The following HS6ST2 variants were observed in gnomAD, a reference collection of about 807,000 sequenced individuals.
HS6ST2 encodes the protein heparan-sulfate 6-O-sulfotransferase 2.
A neutral mutation model predicts 33.0 loss-of-function variants in HS6ST2; 17 were observed. That is an observed-to-expected ratio of 0.52 (90% CI 0.35 to 0.77). The LOEUF is 0.77. HS6ST2 is among the 30% of genes least tolerant of loss of function. The pLI is 0.01. For missense variants in HS6ST2, 519 were observed against 551.7 expected (o/e 0.94, Z 0.59); for synonymous variants, 248 against 237.1 (o/e 1.05, Z -0.42).
intron 2 of HS6ST2, among the ~76,000 whole-genome samples, chrX:132,722,143 G>T (rs1569483883): frequency 2.1e-5 from 2 of 96,474 alleles, no homozygotes; most frequent in African/African-American, 3.9e-5. Flanking sequence ...AGTGGAGATC[G>T]CGCCACTGCA....
intron 3 of HS6ST2, among the ~76,000 whole-genome samples, chrX:132,679,279 T>C (rs1225490683): frequency 1.8e-5 from 2 of 112,188 alleles, no homozygotes; most frequent in Non-Finnish European, 3.8e-5. Flanking sequence ...GGTTCTTTTC[T>C]ATTTTCCCTA....
At chrX:132,898,084 T>C in intron 2 of HS6ST2, among the ~76,000 whole-genome samples, 1 of 109,887 alleles carries the variant, frequency 9.1e-6, no homozygotes, top group South Asian at 4.0e-4. Flanking sequence ...AACCCTATTG[T>C]GAACTCTGCA....
rs1271285561 is a variant in HS6ST2 at position 132,626,726 on chromosome X, C to T, written c.*1497G>A. ...TTACAGCCAGGAGGTTAGTGTAAGTCCTTGCATAAGTATAGCAAAATCCAC... is the reference window on the plus strand; with the variant it reads ...TTACAGCCAGGAGGTTAGTGTAAGTTCTTGCATAAGTATAGCAAAATCCAC... On this transcript the variant is annotated 3_prime_UTR_variant, in exon 5 of 5. Transcript: ENST00000370833. The T allele has an allele frequency of 1.8e-5, 2 of 111,945 alleles. No individual in the cohort carries two copies. The highest frequency in any genetic ancestry group is 6.5e-5 in the African/African-American group (2 of 30,776). 9.2% of individuals were successfully genotyped at this position (111,945 alleles called of 1,213,427 possible).
chrX:132,958,589 G>T lies in HS6ST2; in HGVS notation c.14C>A (p.Ala5Glu). 2 of 1,173,356 alleles carry T rather than the reference G, an allele frequency of 1.7e-6. No individual in the cohort carries two copies. Among genetic ancestry groups the T allele is most frequent in the South Asian group, 3.9e-5 (2 of 51,639 alleles). Residue 5 changes from alanine to glutamate, a missense_variant, in exon 1 of 5, where the codon GCG (alanine) becomes GAG (glutamate). Physicochemically the swap from Ala to Glu is moderately radical, Grantham distance 107 (BLOSUM62 -1). Coordinates refer to ENST00000370833, the MANE Select transcript of HS6ST2 (RefSeq NM_001394073.1). ...CGGCTCGAACTCCCGGACTGCACAC[G>T]CAGGCAGTGCCATTCCCCCCTTCAG... is the stretch of plus-strand genomic sequence containing the variant. MALP[A>E]CAVREFEPPR...
intron 2 of HS6ST2, among the ~76,000 whole-genome samples, chrX:132,814,541 T>C (rs1213138106): frequency 8.9e-6 from 1 of 111,836 alleles, no homozygotes. Flanking sequence ...TTAGACATTG[T>C]CTCACTCTGT....
chrX:132,934,117 C>T (rs1252721644), intron 2 of HS6ST2, among the ~76,000 whole-genome samples: 1 of 111,291 alleles, frequency 9.0e-6, no homozygotes, highest in African/African-American at 3.3e-5. Context: ...TGCATATTTA[C>T]TCCCCTTTTC....
At chrX:132,734,137 G>A (rs2064484787) in intron 2 of HS6ST2, among the ~76,000 whole-genome samples, 1 of 102,885 alleles carries the variant, frequency 9.7e-6, no homozygotes, top group Non-Finnish European at 2.0e-5. Context: ...ATTCTTAATA[G>A]AATCAAGAAA....
At chrX:132,906,908 GC>G (rs1926830378) in intron 2 of HS6ST2, among the ~76,000 whole-genome samples, 1 of 111,367 alleles carries the variant, frequency 9.0e-6, no homozygotes, top group African/African-American at 3.3e-5. Context: ...CAGGTGATCT[GC>G]CCACCTCGGC....
intron 2 of HS6ST2, among the ~76,000 whole-genome samples, chrX:132,776,789 C>T (rs1483409746): frequency 9.0e-6 from 1 of 111,306 alleles, no homozygotes; most frequent in Non-Finnish European, 1.9e-5. Flanking sequence ...ATTGCAGCAC[C>T]GCAGTCTTAG....
At chrX:132,637,809 T>A (rs1466206133) in intron 4 of HS6ST2, among the ~76,000 whole-genome samples, 8 of 62,693 alleles carry the variant, frequency 1.3e-4, no homozygotes, top group Admixed American at 1.1e-3. Flanking sequence ...ATATTATATA[T>A]TATTTTATAT....
intron 3 of HS6ST2, among the ~76,000 whole-genome samples, chrX:132,707,156 T>C (rs2064194789): frequency 8.9e-6 from 1 of 112,484 alleles, no homozygotes; most frequent in African/African-American, 3.2e-5. Flanking sequence ...GGTACCTATG[T>C]TATTGACCAT....
chrX:132,796,642 A>C (rs184681801), intron 2 of HS6ST2, among the ~76,000 whole-genome samples: 8 of 112,565 alleles, frequency 7.1e-5, no homozygotes, highest in African/African-American at 2.6e-4. Context: ...AGACATCTTC[A>C]GAGGTGCCCA....
intron 2 of HS6ST2, 93 bp downstream of exon 2, chrX:132,956,715 G>C: frequency 9.8e-7 from 1 of 1,021,883 alleles, no homozygotes; most frequent in Non-Finnish European, 1.3e-6. Flanking sequence ...GGGCGTCAGG[G>C]TGCGCGCTAG....
intron 2 of HS6ST2, among the ~76,000 whole-genome samples, chrX:132,927,125 G>C (rs1178278202): frequency 7.2e-5 from 8 of 110,869 alleles, no homozygotes; most frequent in Non-Finnish European, 1.5e-4. Context: ...AGAATCCTTG[G>C]CAGAAACTTC....
chrX:132,646,876 A>G (rs770475225), intron 4 of HS6ST2, among the ~76,000 whole-genome samples: 29 of 112,264 alleles, frequency 2.6e-4, no homozygotes, highest in Non-Finnish European at 5.1e-4. Context: ...CATGTTTTCC[A>G]TGGCAGCAGG....
At chrX:132,687,348 T>C (rs1374765738) in intron 3 of HS6ST2, among the ~76,000 whole-genome samples, 1 of 111,204 alleles carries the variant, frequency 9.0e-6, no homozygotes. Context: ...CAGGGAACCA[T>C]GCTCATTTGG....
chrX:132,753,778 C>A (rs2064731332), intron 2 of HS6ST2, among the ~76,000 whole-genome samples: 1 of 112,049 alleles, frequency 8.9e-6, no homozygotes. Flanking sequence ...GTGAGGCAAG[C>A]AAGGTGCTCA....
At chrX:132,932,890 T>G (rs902029913) in intron 2 of HS6ST2, among the ~76,000 whole-genome samples, 2 of 106,589 alleles carry the variant, frequency 1.9e-5, no homozygotes, top group African/African-American at 6.7e-5. Flanking sequence ...ATATATATTC[T>G]ATATTCTATA....
At position 132,882,046 on chromosome X, in the gene HS6ST2, T is replaced by A. The variant is rs55959813; in HGVS notation, c.947+74762A>T. On this transcript the variant is annotated intron_variant, in intron 2 of 4. Transcript: ENST00000370833. Reference sequence around the variant, plus strand: ...ACTGTAGCCTTGTAGTATAGTTTGATGTCAGGTAGCGTGATGCCTCCAGCC... The same window carrying A: ...ACTGTAGCCTTGTAGTATAGTTTGAAGTCAGGTAGCGTGATGCCTCCAGCC... Among the ~76,000 whole-genome samples the A allele has an allele frequency of 8.3e-3, 925 of 111,502 alleles. 7 individuals are homozygous for A. Among genetic ancestry groups the A allele is most frequent in the Middle Eastern group, 0.032 (7 of 216 alleles).
Sources: gnomAD v4.1 joint callset for allele counts (sites outside exome capture counted in the v4.1 genomes callset) on GRCh38, gnomAD v4.1.1 for gene constraint, MANE v1.5 for transcripts, NCBI Gene and HGNC (gene_info 2026-07-23, HGNC 2026-07-21) for gene names.